ENTPD3: variants seen among roughly 807,000 people sequenced by gnomAD.
The protein encoded by ENTPD3 is ectonucleoside triphosphate diphosphohydrolase 3, also known as CD39 antigen-like 3.
ENTPD3 carries 60 observed loss-of-function variants against 51.2 expected under a neutral mutation model. That is an observed-to-expected ratio of 1.17 (90% confidence interval 0.95 to 1.45). The LOEUF is 1.45. Ranked by LOEUF, ENTPD3 falls within the 40% of genes most tolerant of loss-of-function variation. The pLI is 0.00. For missense variants in ENTPD3, 593 were observed against 641.1 expected, an observed-to-expected ratio of 0.93 and a Z score of 0.81; for synonymous variants, 221 against 238.4, an observed-to-expected ratio of 0.93 and a Z score of 0.67.
At chr3:40,417,211 C>G (rs2125606861) in intron 7 of ENTPD3, among the ~76,000 whole-genome samples, 1 of 152,276 alleles carries the variant, frequency 6.6e-6, no homozygotes, top group South Asian at 2.1e-4. Flanking sequence ...AGACAGCCCT[C>G]AACTACCCTT....
intron 4 of ENTPD3, among the ~76,000 whole-genome samples, chr3:40,404,672 A>G (rs962451251): frequency 9.2e-5 from 14 of 152,164 alleles, no homozygotes; most frequent in African/African-American, 3.4e-4. Context: ...CTCTGAATGA[A>G]CAGAAGACCA....
intron 3 of ENTPD3, among the ~76,000 whole-genome samples, chr3:40,393,263 T>A (rs1025232230): frequency 1.3e-5 from 2 of 152,184 alleles, no homozygotes; most frequent in Non-Finnish European, 2.9e-5. Context: ...GGCTTTGAGG[T>A]CCATTTATAG....
chr3:40,392,005 T>C lies in ENTPD3; in HGVS notation c.41-18T>C, dbSNP rs1955068728. On this transcript the variant is annotated intron_variant, in intron 2 of 10. Coordinates refer to ENST00000301825, the MANE Select transcript of ENTPD3 (RefSeq NM_001248.4). The stretch of plus-strand genomic sequence containing the variant: ...TTTTACCTCCCCCTCAAGTGTCTTC[T>C]GGGTCTTCTCATTTTAGGCCTCAAG... 1 of 1,613,862 alleles carries C rather than the reference T, an allele frequency of 6.2e-7. No individual in the cohort carries two copies. Among genetic ancestry groups the C allele is most frequent in the Non-Finnish European group, 8.5e-7 (1 of 1,179,978 alleles).
chr3:40,420,226 CTTTTTTCT>C (rs897339898), intron 7 of ENTPD3, among the ~76,000 whole-genome samples: 1 of 150,108 alleles, frequency 6.7e-6, no homozygotes, highest in Non-Finnish European at 1.5e-5. Context: ...ATTTTTTTTT[CTTTTTTCT>C]TTTTTTCTTT....
chr3:40,426,402 G>A (rs1179063596), intron 10 of ENTPD3, among the ~76,000 whole-genome samples: 2 of 151,886 alleles, frequency 1.3e-5, no homozygotes, highest in Non-Finnish European at 2.9e-5. Flanking sequence ...ACCATGACTG[G>A]CCACAGATAT....
chr3:40,400,810 C>A, intron 3 of ENTPD3, 84 bp from the exon 4 acceptor site: 1 of 958,118 alleles, frequency 1.0e-6, no homozygotes, highest in African/African-American at 1.6e-5. Flanking sequence ...GATTAAGGTA[C>A]TCAGGGTTCT....
intron 7 of ENTPD3, among the ~76,000 whole-genome samples, chr3:40,420,137 C>T (rs916509945): frequency 1.6e-4 from 24 of 152,026 alleles, no homozygotes; most frequent in Non-Finnish European, 3.5e-4. Context: ...TATAAATCTC[C>T]CTTCAGACTA....
intron 3 of ENTPD3, 64 bp downstream of exon 3, chr3:40,392,214 T>C: frequency 6.3e-7 from 1 of 1,578,732 alleles, no homozygotes; most frequent in South Asian, 1.1e-5. Flanking sequence ...AATCAATTAT[T>C]CCAAAACCAT....
At chr3:40,399,729 T>A (rs1955297409) in intron 3 of ENTPD3, 2 of 152,208 alleles carry the variant, frequency 1.3e-5, no homozygotes, top group African/African-American at 4.8e-5. Context: ...GTCCAGAGCC[T>A]GGGCTGGGCC....
At chr3:40,420,023 C>T (rs185637324) in intron 7 of ENTPD3, among the ~76,000 whole-genome samples, 2 of 152,248 alleles carry the variant, frequency 1.3e-5, no homozygotes, top group African/African-American at 4.8e-5. Context: ...AGAACTAATA[C>T]TTACTAAGCT....
rs1955912325 is a variant in ENTPD3, at chr3:40,423,069, G to T, written c.1051G>T (p.Glu351Ter). The change falls in exon 8 of 11, where the codon GAA becomes TAA. Residue 351 changes from glutamate (E) to a stop codon, truncating the protein, a stop_gained. Transcript: ENST00000301825. LOFTEE classifies it high-confidence loss of function. ...IFDFKACHDQ[E>*]TCSFDGVYQP... ...TGACTTCAAAGCTTGCCATGATCAA[G>T]AAACCTGTTCTTTTGATGGGGTTTA... is the stretch of plus-strand genomic sequence containing the variant. 2 of 1,613,966 alleles carry T rather than the reference G, an allele frequency of 1.2e-6. No individual in the cohort carries two copies. Among genetic ancestry groups the T allele is most frequent in the Non-Finnish European group, 1.7e-6 (2 of 1,179,976 alleles).
intron 7 of ENTPD3, among the ~76,000 whole-genome samples, chr3:40,421,626 TGA>T (rs1448545539): frequency 2.0e-5 from 3 of 152,182 alleles, no homozygotes; most frequent in Admixed American, 2.0e-4. Flanking sequence ...TTCATCTAGA[TGA>T]TATTCCTTAA....
At chr3:40,394,759 G>C (rs1455355950) in intron 3 of ENTPD3, among the ~76,000 whole-genome samples, 1 of 152,208 alleles carries the variant, frequency 6.6e-6, no homozygotes, top group Non-Finnish European at 1.5e-5. Context: ...GAAAGGTAGG[G>C]AGGATGCATG....
At chr3:40,403,440 G>A (rs1207840101) in intron 4 of ENTPD3, among the ~76,000 whole-genome samples, 1 of 152,138 alleles carries the variant, frequency 6.6e-6, no homozygotes, top group Non-Finnish European at 1.5e-5. Context: ...GGGTTGAAAT[G>A]GTGTAAAGTG....
chr3:40,415,251 T>A (rs1039297270), intron 6 of ENTPD3, among the ~76,000 whole-genome samples: 1 of 152,108 alleles, frequency 6.6e-6, no homozygotes. Context: ...GTCTTCACTC[T>A]GTGTTCCCAG....
At chr3:40,397,419 TC>T (rs927270362) in intron 3 of ENTPD3, among the ~76,000 whole-genome samples, 1 of 152,104 alleles carries the variant, frequency 6.6e-6, no homozygotes, top group African/African-American at 2.4e-5. Flanking sequence ...TCCGTTAGAC[TC>T]AGGCTTGATC....
intron 3 of ENTPD3, among the ~76,000 whole-genome samples, chr3:40,392,828 G>A (rs1271368736): frequency 1.3e-5 from 2 of 151,976 alleles, no homozygotes; most frequent in East Asian, 3.9e-4. Flanking sequence ...GAAAAAAGAA[G>A]TCAAGACCAG....
chr3:40,416,322 T>C (rs183832777), intron 7 of ENTPD3, among the ~76,000 whole-genome samples: 20 of 152,180 alleles, frequency 1.3e-4, no homozygotes, highest in Non-Finnish European at 2.5e-4. Flanking sequence ...GTTCCAGAGC[T>C]TCAGTTGTTT....
At chr3:40,391,675 C>CAA (rs769795251) in intron 2 of ENTPD3, 446 of 152,356 alleles carry the variant, frequency 2.9e-3, no homozygotes, top group South Asian at 4.4e-3. Context: ...GACTCCATCT[C>CAA]AAAAAAAAAA....
Sources: gnomAD v4.1 joint callset for allele counts (sites outside exome capture counted in the v4.1 genomes callset) on GRCh38, gnomAD v4.1.1 for gene constraint, MANE v1.5 for transcripts, NCBI Gene and HGNC (gene_info 2026-07-23, HGNC 2026-07-21) for gene names.